The following CRMP1 variants were observed in gnomAD, a reference collection of about 807,000 sequenced individuals.
CRMP1 encodes dihydropyrimidinase-related protein 1.
Under a neutral mutation model 68.3 loss-of-function variants are expected in CRMP1, and 19 were observed. That is an observed-to-expected ratio of 0.28 (90% CI 0.19 to 0.41). CRMP1 has a LOEUF of 0.41. Ranked by LOEUF, CRMP1 falls within the 10% of genes least tolerant of loss-of-function variation. CRMP1 has a pLI of 1.00. For synonymous variants in CRMP1, 439 were observed against 399.6 expected (o/e 1.10, Z -1.18); for missense variants, 791 against 967.4 (o/e 0.82, Z 2.42).
intron 1 of CRMP1, among the ~76,000 whole-genome samples, chr4:5,868,261 C>CTATATATATCTATA (rs1714141900): frequency 1.8e-5 from 2 of 111,466 alleles, no homozygotes; most frequent in African/African-American, 3.4e-5. Flanking sequence ...GACTATATAT[C>CTATATATATCTATA]TATATATATA....
At chr4:5,824,552 G>A in intron 13 of CRMP1, 8 of 982,350 alleles carry the variant, frequency 8.1e-6, no homozygotes, top group Non-Finnish European at 9.7e-6. Flanking sequence ...TCCTGACCAG[G>A]AATTAGCAAA....
chr4:5,865,663 C>A lies in CRMP1; in HGVS notation c.470+1005G>T, dbSNP rs184161322. On this transcript the variant is annotated intron_variant, in intron 2 of 13. Coordinates refer to ENST00000324989, the MANE Select transcript of CRMP1 (RefSeq NM_001014809.3). The surrounding 1 kb of genome is among the most constrained non-coding windows in gnomAD (Gnocchi z 4.1). The stretch of plus-strand genomic sequence containing the variant: ...GAAGGCCGCCGCCTACAGACCCCTG[C>A]CTGGCGTTATGGACTGAATTGTATC... Among the ~76,000 whole-genome samples, 1 of 151,848 alleles carries A rather than the reference C, an allele frequency of 6.6e-6. No homozygotes were observed. The highest frequency in any genetic ancestry group is 6.6e-5 in the Admixed American group (1 of 15,240).
intron 1 of CRMP1, among the ~76,000 whole-genome samples, chr4:5,886,366 C>G (rs1248002319): frequency 4.6e-5 from 7 of 152,196 alleles, no homozygotes; most frequent in Non-Finnish European, 4.4e-5. Context: ...ACACTAAATG[C>G]TTTGGAGGGT....
chr4:5,825,582 T>G lies in CRMP1; in HGVS notation c.1881A>C (p.Ala627=). ...VYEVPATPKY[A]TPAPSAKSSP... ...AAGATTTGGCTGAAGGAGCGGGAGTTGCATATTTGGGTGTAGCTGGTACCT... is the reference window on the plus strand; with the variant it reads ...AAGATTTGGCTGAAGGAGCGGGAGTGGCATATTTGGGTGTAGCTGGTACCT... The change falls in exon 13 of 14, where the codon GCA becomes GCC. Residue 627 remains alanine, a synonymous_variant. Coordinates refer to ENST00000324989, the MANE Select transcript of CRMP1 (RefSeq NM_001014809.3). This position sits in a 1 kb window ranked among gnomAD's most constrained non-coding sequence, Gnocchi z 4.4. 6.2e-7 allele frequency: 1 copy of G among 1,602,202 alleles called. No homozygotes were observed. The highest frequency in any genetic ancestry group is 8.5e-7 in the Non-Finnish European group (1 of 1,176,376).
At position 5,821,863 on chromosome 4, in the gene CRMP1, C is replaced by A. The variant is rs368527112; in HGVS notation, c.1970-12G>T. ...ATCTATCTGGGCACCTGAAAGAGAG[C>A]GCCAATCGCTGCTGGATGGGATCTG... On this transcript the variant is annotated splice_polypyrimidine_tract_variant and intron_variant, in intron 13 of 13. Transcript: ENST00000324989. This position sits in a 1 kb window ranked among gnomAD's most constrained non-coding sequence, Gnocchi z 4.4. 1 of 1,547,978 alleles carries A rather than the reference C, an allele frequency of 6.5e-7. No homozygotes were observed.
chr4:5,880,294 A>G (rs557226012), intron 1 of CRMP1, among the ~76,000 whole-genome samples: 1 of 152,324 alleles, frequency 6.6e-6, no homozygotes, highest in African/African-American at 2.4e-5. Flanking sequence ...ATTTTACATA[A>G]TTTAAAAGTT....
chr4:5,885,909 C>T (rs1715552806), intron 1 of CRMP1, among the ~76,000 whole-genome samples: 1 of 137,146 alleles, frequency 7.3e-6, no homozygotes, highest in African/African-American at 2.7e-5. Flanking sequence ...TACTATGGAA[C>T]ACGTTAAGGT....
chr4:5,824,991 T>G (rs916702716), intron 13 of CRMP1: 9 of 985,312 alleles, frequency 9.1e-6, no homozygotes, highest in Non-Finnish European at 1.1e-5. Context: ...TCTTGGGGCT[T>G]CCGTTTCCTC....
At chr4:5,848,538 CA>C (rs1298495649) in intron 6 of CRMP1, among the ~76,000 whole-genome samples, 1 of 152,170 alleles carries the variant, frequency 6.6e-6, no homozygotes, top group Non-Finnish European at 1.5e-5. Flanking sequence ...CTAGAATTAT[CA>C]AAATATGTTC....
In CRMP1 at chr4:5,888,187, A is replaced by G; in HGVS notation, c.381+4402T>C. 1 of 1,245,964 alleles carries G rather than the reference A, an allele frequency of 8.0e-7. No individual in the cohort carries two copies. Among genetic ancestry groups the G allele is most frequent in the Non-Finnish European group, 1.0e-6 (1 of 992,620 alleles). The allele number at this position is 1,245,964 out of a possible 1,614,324, so 77.2% of individuals were successfully genotyped here. A position where few individuals can be genotyped will look rare whatever the true frequency, so the allele number is the denominator to read the frequency against. ...CCTGCCGGGCGCCCACTCCCAGCCC[A>G]CAAAGGCCAGCGCGGGGCGGCGGGG... On this transcript the variant is annotated intron_variant, in intron 1 of 13. Coordinates refer to ENST00000324989, the MANE Select transcript of CRMP1 (RefSeq NM_001014809.3). The surrounding 1 kb of genome is among the most constrained non-coding windows in gnomAD (Gnocchi z 6.4).
At position 5,829,838 on chromosome 4, in the gene CRMP1, A is replaced by C. The variant is rs192520415; in HGVS notation, c.1624-1170T>G. ...ACCATGCCTTTGCTAAAAACTGCTG[A>C]AACAGACTTTGCATCCACAGTCTGC... On this transcript the variant is annotated intron_variant, in intron 11 of 13. Transcript: ENST00000324989. Among the ~76,000 whole-genome samples, 5 of 152,358 alleles carry C rather than the reference A, an allele frequency of 3.3e-5. No individual in the cohort carries two copies. The East Asian group carries it at 9.6e-4, about 29-fold the overall frequency.
chr4:5,889,566 G>T lies in CRMP1; in HGVS notation c.381+3023C>A, dbSNP rs11729793. On this transcript the variant is annotated intron_variant, in intron 1 of 13. Transcript: ENST00000324989. This position sits in a 1 kb window ranked among gnomAD's most constrained non-coding sequence, Gnocchi z 4.5. ...AGATGGAGGAAAAGGGGGAGCCCCA[G>T]CAAGCCCCAACCTCACTGGACAGGT... is the stretch of plus-strand genomic sequence containing the variant. The T allele has an allele frequency of 6.5e-7, 1 of 1,535,684 alleles. No individual in the cohort carries two copies. Among genetic ancestry groups the T allele is most frequent in the Non-Finnish European group, 8.7e-7 (1 of 1,146,498 alleles).
Position 5,841,570 on chromosome 4 carries a change from G to A in CRMP1, c.1033-142C>T. The A allele has an allele frequency of 7.6e-7, 1 of 1,311,356 alleles. No homozygotes were observed. The highest frequency in any genetic ancestry group is 1.1e-6 in the Non-Finnish European group (1 of 945,282). The allele number at this position is 1,311,356 out of a possible 1,614,324, so 81.2% of individuals were successfully genotyped here. On this transcript the variant is annotated intron_variant, in intron 7 of 13. Coordinates refer to ENST00000324989, the MANE Select transcript of CRMP1 (RefSeq NM_001014809.3). The surrounding 1 kb of genome is among the most constrained non-coding windows in gnomAD (Gnocchi z 6.9). Reference sequence around the variant, plus strand: ...GGACATACTGAGTCCAACAGCGCTTGACAGTGCCCCCTGCTCTCCGGGGTG... The same window carrying A: ...GGACATACTGAGTCCAACAGCGCTTAACAGTGCCCCCTGCTCTCCGGGGTG...
rs922426356 is a variant in CRMP1 at position 5,855,170 on chromosome 4, A to G, written c.820+973T>C. Among the ~76,000 whole-genome samples the G allele has an allele frequency of 6.6e-5, 10 of 152,256 alleles. No individual in the cohort carries two copies. Among genetic ancestry groups the G allele is most frequent in the Non-Finnish European group, 1.2e-4 (8 of 68,048 alleles). On this transcript the variant is annotated intron_variant, in intron 4 of 13. Coordinates refer to ENST00000324989, the MANE Select transcript of CRMP1 (RefSeq NM_001014809.3). The surrounding 1 kb of genome is among the most constrained non-coding windows in gnomAD (Gnocchi z 4.9). ...ATCATCCAAATACACAGGGAATGGA[A>G]AGCAATAATCCTGCACATTTAGAGT...
intron 9 of CRMP1, among the ~76,000 whole-genome samples, chr4:5,837,247 TG>T: frequency 6.6e-6 from 1 of 152,216 alleles, no homozygotes; most frequent in African/African-American, 2.4e-5. Context: ...ACAAGTTCAC[TG>T]GGATTTACCC....
chr4:5,869,267 T>G (rs1714265103), intron 1 of CRMP1, among the ~76,000 whole-genome samples: 2 of 152,190 alleles, frequency 1.3e-5, no homozygotes, highest in South Asian at 4.1e-4. Flanking sequence ...TTCCACTTCT[T>G]GAAGGCTTGT....
Position 5,834,471 on chromosome 4 carries a change from A to G in CRMP1, c.1623+1444T>C, listed in dbSNP as rs1720591866. Among the ~76,000 whole-genome samples, 1 of 152,228 alleles carries G rather than the reference A, an allele frequency of 6.6e-6. No individual in the cohort carries two copies. Among genetic ancestry groups the G allele is most frequent in the Non-Finnish European group, 1.5e-5 (1 of 68,048 alleles). On this transcript the variant is annotated intron_variant, in intron 11 of 13. Transcript: ENST00000324989. This position sits in a 1 kb window ranked among gnomAD's most constrained non-coding sequence, Gnocchi z 4.3. ...ATCCTTCTGCCCTCTGCCATGGGAT[A>G]ACTCAGCAAGAAGGCCTTTGCCAGA...
chr4:5,855,821 G>C lies in CRMP1; in HGVS notation c.820+322C>G, dbSNP rs1238094060. On this transcript the variant is annotated intron_variant, in intron 4 of 13. Coordinates refer to ENST00000324989, the MANE Select transcript of CRMP1 (RefSeq NM_001014809.3). The surrounding 1 kb of genome is among the most constrained non-coding windows in gnomAD (Gnocchi z 4.9). Reference sequence around the variant, plus strand: ...ACATGAGCAAGGGCCTCACAGCATAGCCAGTTTCAGGGATGGCAGCCAGGC... The same window carrying C: ...ACATGAGCAAGGGCCTCACAGCATACCCAGTTTCAGGGATGGCAGCCAGGC... 6.6e-6 allele frequency among the ~76,000 whole-genome samples: 1 copy of C among 152,188 alleles called. No individual in the cohort carries two copies. Among genetic ancestry groups the C allele is most frequent in the Non-Finnish European group, 1.5e-5 (1 of 68,038 alleles).
chr4:5,871,684 A>G (rs1357977938), intron 1 of CRMP1, among the ~76,000 whole-genome samples: 1 of 152,162 alleles, frequency 6.6e-6, no homozygotes, highest in East Asian at 1.9e-4. Flanking sequence ...AAAAAGAAAA[A>G]AAAAGAAATC....
Sources: gnomAD v4.1 joint callset for allele counts (sites outside exome capture counted in the v4.1 genomes callset) on GRCh38, gnomAD v4.1.1 for gene constraint, Gnocchi (gnomAD v3.1) non-coding constraint, MANE v1.5 for transcripts, NCBI Gene and HGNC (gene_info 2026-07-23, HGNC 2026-07-21) for gene names.